CAMK4: variants seen among roughly 807,000 people sequenced by gnomAD.
The protein encoded by CAMK4 is calcium/calmodulin dependent protein kinase IV.
Under a neutral mutation model 44.9 loss-of-function variants are expected in CAMK4, and 22 were observed. That is an observed-to-expected ratio of 0.49 (90% CI 0.35 to 0.70). CAMK4 has a LOEUF of 0.70. Among genes scored for constraint, CAMK4 ranks in the 30% least tolerant of loss-of-function variants. The pLI, the probability that CAMK4 is intolerant of heterozygous loss-of-function variation, is 0.01. For missense variants in CAMK4, 498 were observed against 586.8 expected (o/e 0.85, Z 1.56); for synonymous variants, 218 against 215.4 (o/e 1.01, Z -0.11).
chr5:111,279,919 A>G (rs1750936788), intron 1 of CAMK4, among the ~76,000 whole-genome samples: 1 of 152,214 alleles, frequency 6.6e-6, no homozygotes, highest in South Asian at 2.1e-4. Flanking sequence ...GGGTGGTAGG[A>G]TCATTCCTGA....
At chr5:111,424,680 C>T (rs920637802) in intron 5 of CAMK4, among the ~76,000 whole-genome samples, 1 of 151,674 alleles carries the variant, frequency 6.6e-6, no homozygotes, top group African/African-American at 2.4e-5. Flanking sequence ...ATCTCCTGAC[C>T]TTGCGATCCG....
Position 111,334,005 on chromosome 5 carries a change from C to T in CAMK4, c.162-10019C>T, listed in dbSNP as rs192126193. ...TGAGAAGACTGAAGTGAGGTGCTTA[C>T]GCTTGCTTTCTGCAGGATTCAGCAA... On this transcript the variant is annotated intron_variant, in intron 1 of 10. Coordinates refer to ENST00000282356, the MANE Select transcript of CAMK4 (RefSeq NM_001744.6). Among the ~76,000 whole-genome samples, 4 of 151,516 alleles carry T rather than the reference C, an allele frequency of 2.6e-5. No individual in the cohort carries two copies. The East Asian group carries it at 5.9e-4, about 22-fold the overall frequency.
chr5:111,242,701 C>G (rs982817693), intron 1 of CAMK4, among the ~76,000 whole-genome samples: 4 of 152,134 alleles, frequency 2.6e-5, no homozygotes, highest in African/African-American at 7.2e-5. Context: ...TGCCGTCTTA[C>G]GCCCACCACT....
chr5:111,312,423 T>G (rs751468313), intron 1 of CAMK4, among the ~76,000 whole-genome samples: 9 of 152,062 alleles, frequency 5.9e-5, no homozygotes, highest in Non-Finnish European at 1.2e-4. Context: ...GTTCTGAGAG[T>G]GAAATGAGAT....
chr5:111,385,913 A>T (rs1006849192), intron 4 of CAMK4, among the ~76,000 whole-genome samples: 2 of 152,088 alleles, frequency 1.3e-5, no homozygotes, highest in Admixed American at 6.6e-5. Context: ...TTTTATCTAT[A>T]GTATGAGAGA....
Position 111,491,216 on chromosome 5 carries a change from A to G in CAMK4, c.*6750A>G, listed in dbSNP as rs1755817078. On this transcript the variant is annotated 3_prime_UTR_variant, in exon 11 of 11. Transcript: ENST00000282356. ...GCAAATCTACCAAAGCCCCATTTTT[A>G]TTGGAACACAGGCATGCTCATTTAT... 6.6e-6 allele frequency: 1 copy of G among 152,194 alleles called. No individual in the cohort carries two copies. Among genetic ancestry groups the G allele is most frequent in the Non-Finnish European group, 1.5e-5 (1 of 68,044 alleles). The allele number at this position is 152,194 out of a possible 1,614,324, so 9.4% of individuals were successfully genotyped here.
chr5:111,465,945 C>A (rs1035200329), intron 7 of CAMK4, among the ~76,000 whole-genome samples: 1 of 152,124 alleles, frequency 6.6e-6, no homozygotes, highest in Non-Finnish European at 1.5e-5. Context: ...AAGAAAACAT[C>A]CTTAACAAAA....
intron 5 of CAMK4, among the ~76,000 whole-genome samples, chr5:111,441,149 A>C (rs970601186): frequency 7.2e-5 from 11 of 152,056 alleles, no homozygotes; most frequent in African/African-American, 2.2e-4. Flanking sequence ...GAAACAATGC[A>C]AAAAAAATCT....
intron 2 of CAMK4, among the ~76,000 whole-genome samples, chr5:111,362,151 C>G (rs1472724307): frequency 6.6e-6 from 1 of 151,880 alleles, no homozygotes; most frequent in African/African-American, 2.4e-5. Flanking sequence ...CAATAATATT[C>G]CAGAATAACA....
At chr5:111,284,268 C>A (rs1200143278) in intron 1 of CAMK4, among the ~76,000 whole-genome samples, 1 of 151,886 alleles carries the variant, frequency 6.6e-6, no homozygotes, top group Non-Finnish European at 1.5e-5. Flanking sequence ...GTTATGTATC[C>A]ATGTGGATTT....
chr5:111,481,323 C>A (rs1162428896), intron 9 of CAMK4, among the ~76,000 whole-genome samples: 2 of 152,128 alleles, frequency 1.3e-5, no homozygotes, highest in African/African-American at 4.8e-5. Flanking sequence ...TCCTGTTCAA[C>A]GGATAATAGC....
chr5:111,229,228 C>T (rs2112491139), intron 1 of CAMK4, among the ~76,000 whole-genome samples: 1 of 152,282 alleles, frequency 6.6e-6, no homozygotes, highest in East Asian at 1.9e-4. Context: ...AGTCCAAGAT[C>T]AGGGTCCCAG....
chr5:111,432,026 T>G (rs1253765853), intron 5 of CAMK4, among the ~76,000 whole-genome samples: 4 of 152,108 alleles, frequency 2.6e-5, no homozygotes, highest in Non-Finnish European at 5.9e-5. Flanking sequence ...AGAAAGGAAA[T>G]GAGTATATTG....
chr5:111,382,922 A>G (rs1386783576), intron 4 of CAMK4, among the ~76,000 whole-genome samples: 1 of 152,150 alleles, frequency 6.6e-6, no homozygotes, highest in African/African-American at 2.4e-5. Flanking sequence ...TTGCTTTTCA[A>G]CCATGGATAT....
At chr5:111,364,552 C>G (rs996880687) in intron 2 of CAMK4, among the ~76,000 whole-genome samples, 19 of 152,212 alleles carry the variant, frequency 1.2e-4, no homozygotes, top group African/African-American at 4.3e-4. Flanking sequence ...AGAGAGGTAA[C>G]TCCCTTTGGA....
At chr5:111,444,206 A>G (rs1027305577) in intron 5 of CAMK4, among the ~76,000 whole-genome samples, 7 of 151,736 alleles carry the variant, frequency 4.6e-5, no homozygotes, top group African/African-American at 1.7e-4. Flanking sequence ...CTGAATCCCA[A>G]CTCTAGTGTG....
At chr5:111,312,286 G>A (rs1748238809) in intron 1 of CAMK4, among the ~76,000 whole-genome samples, 1 of 152,136 alleles carries the variant, frequency 6.6e-6, no homozygotes, top group Non-Finnish European at 1.5e-5. Flanking sequence ...TATAGGCGTA[G>A]ACTTTAATAC....
intron 1 of CAMK4, among the ~76,000 whole-genome samples, chr5:111,263,659 C>T (rs1012660385): frequency 6.6e-6 from 1 of 152,110 alleles, no homozygotes; most frequent in Non-Finnish European, 1.5e-5. Context: ...AAAATGTAAA[C>T]CAGTCCAAAT....
intron 1 of CAMK4, among the ~76,000 whole-genome samples, chr5:111,286,361 T>C (rs976028312): frequency 2.6e-5 from 4 of 152,234 alleles, no homozygotes; most frequent in Admixed American, 6.5e-5. Context: ...CTTGAAAATG[T>C]ATAGTTGGCT....
Sources: gnomAD v4.1 joint callset for allele counts (sites outside exome capture counted in the v4.1 genomes callset) on GRCh38, gnomAD v4.1.1 for gene constraint, MANE v1.5 for transcripts, NCBI Gene and HGNC (gene_info 2026-07-23, HGNC 2026-07-21) for gene names.